Variants in MGAT5B observed in about 807,000 individuals in gnomAD.
MGAT5B encodes alpha-1,6-mannosylglycoprotein 6-beta-N-acetylglucosaminyltransferase B, also known as N-acetylglucosaminyl-transferase Vb.
Under a neutral mutation model 95.1 loss-of-function variants are expected in MGAT5B, and 54 were observed. That is an observed-to-expected ratio of 0.57 (90% CI 0.46 to 0.71). The LOEUF (loss-of-function observed/expected upper bound fraction) is 0.71, where lower values mean the gene tolerates loss of function less well. Ranked by LOEUF, MGAT5B falls within the 30% of genes least tolerant of loss-of-function variation. The pLI is 0.00. For missense variants in MGAT5B, 935 were observed against 1,088.6 expected, an observed-to-expected ratio of 0.86 and a Z score of 1.99; for synonymous variants, 464 against 451.0, an observed-to-expected ratio of 1.03 and a Z score of -0.36.
At chr17:76,904,466 T>C in intron 6 of MGAT5B, 44 bp downstream of exon 6, 7 of 1,531,498 alleles carry the variant, frequency 4.6e-6, no homozygotes, top group Non-Finnish European at 6.1e-6. Context: ...CTGGTGTGGC[T>C]GGACATTCTT....
intron 8 of MGAT5B, chr17:76,924,092 CA>C (rs1292922006): frequency 2.6e-5 from 4 of 152,288 alleles, no homozygotes; most frequent in African/African-American, 4.8e-5. Flanking sequence ...CGGATGCTGG[CA>C]GGGGGGGTTG....
Position 76,916,264 on chromosome 17 carries a change from C to T in MGAT5B, c.1026-8702C>T, listed in dbSNP as rs1051291810. ...GGGCCTCGCCTCCCCTCATGCTCCA[C>T]GCGCTGCGCTGGCGTCACAGGGAGT... On this transcript the variant is annotated intron_variant, in intron 8 of 17. Coordinates refer to ENST00000569840, the MANE Select transcript of MGAT5B (RefSeq NM_001199172.2). The surrounding 1 kb of genome is among the most constrained non-coding windows in gnomAD (Gnocchi z 5.3). Among the ~76,000 whole-genome samples, 9 of 152,364 alleles carry T rather than the reference C, an allele frequency of 5.9e-5. No homozygotes were observed. Among genetic ancestry groups the T allele is most frequent in the African/African-American group, 1.2e-4 (5 of 41,592 alleles).
chr17:76,942,606 C>T (rs1969896610), intron 15 of MGAT5B, among the ~76,000 whole-genome samples: 1 of 152,188 alleles, frequency 6.6e-6, no homozygotes, highest in African/African-American at 2.4e-5. Context: ...TGACTGGTAC[C>T]AGCTTATAGG....
Position 76,903,315 on chromosome 17 carries a change from G to A in MGAT5B, c.458G>A (p.Arg153Gln), listed in dbSNP as rs553177854. 10 of 1,610,878 alleles carry A rather than the reference G, an allele frequency of 6.2e-6. No individual in the cohort carries two copies. In the African/African-American group the frequency reaches 6.7e-5, roughly 11 times the overall value. ...CCTCTCCCTACAGTGTCAGAAGGCCGGCGGGACCAGTGTGAGGCACCCAGT... is the reference window on the plus strand; with the variant it reads ...CCTCTCCCTACAGTGTCAGAAGGCCAGCGGGACCAGTGTGAGGCACCCAGT... ...LLLHSKVSEG[R>Q]RDQCEAPSDP... is the part of the protein sequence containing the mutation. The change falls in exon 5 of 18, where the codon CGG becomes CAG. Residue 153 changes from arginine (R) to glutamine (Q), a missense_variant. Physicochemically the swap from Arg to Gln is conservative, Grantham distance 43. Transcript: ENST00000569840.
chr17:76,870,589 T>C lies in MGAT5B; in HGVS notation c.68+1492T>C, dbSNP rs1039141082. ...ACAGTGCTCGCGACCCAGGGCTGCTTCCCTGTCTGGTCCTGCCCTGGTTTT... is the reference window on the plus strand; with the variant it reads ...ACAGTGCTCGCGACCCAGGGCTGCTCCCCTGTCTGGTCCTGCCCTGGTTTT... On this transcript the variant is annotated intron_variant, in intron 1 of 17. Transcript: ENST00000569840. This position sits in a 1 kb window ranked among gnomAD's most constrained non-coding sequence, Gnocchi z 5.0. 1.3e-5 allele frequency among the ~76,000 whole-genome samples: 2 copies of C among 151,750 alleles called. No individual in the cohort carries two copies. The highest frequency in any genetic ancestry group is 2.9e-5 in the Non-Finnish European group (2 of 67,882).
intron 2 of MGAT5B, among the ~76,000 whole-genome samples, chr17:76,881,745 G>A (rs1461790234): frequency 6.6e-6 from 1 of 152,224 alleles, no homozygotes; most frequent in Non-Finnish European, 1.5e-5. Flanking sequence ...CTTACCGTTT[G>A]GGGGCTCTGG....
intron 3 of MGAT5B, among the ~76,000 whole-genome samples, chr17:76,885,192 C>T (rs950421614): frequency 1.3e-5 from 2 of 152,126 alleles, no homozygotes; most frequent in Non-Finnish European, 2.9e-5. Context: ...GGCATGAGGC[C>T]GTTTTCCTCT....
At chr17:76,886,779 C>T (rs559420281) in intron 3 of MGAT5B, among the ~76,000 whole-genome samples, 95 of 152,206 alleles carry the variant, frequency 6.2e-4, no homozygotes, top group African/African-American at 2.1e-3. Context: ...TGTGGTGGCT[C>T]ACAGCTGTAA....
Position 76,916,537 on chromosome 17 carries a change from C to T in MGAT5B, c.1026-8429C>T, listed in dbSNP as rs565132034. 3.9e-5 allele frequency among the ~76,000 whole-genome samples: 6 copies of T among 152,308 alleles called. No individual in the cohort carries two copies. The South Asian group carries it at 1.0e-3, about 26-fold the overall frequency. On this transcript the variant is annotated intron_variant, in intron 8 of 17. Coordinates refer to ENST00000569840, the MANE Select transcript of MGAT5B (RefSeq NM_001199172.2). The surrounding 1 kb of genome is among the most constrained non-coding windows in gnomAD (Gnocchi z 5.3). ...ACAGACCAGGCCCTCGGCTCATACC[C>T]GTAACCCCAGCACTTTGGGAGGCTG...
chr17:76,869,176 C>T lies in MGAT5B; in HGVS notation c.68+79C>T, dbSNP rs1429892186. 5 of 1,295,292 alleles carry T rather than the reference C, an allele frequency of 3.9e-6. No individual in the cohort carries two copies. The highest frequency in any genetic ancestry group is 1.5e-5 in the African/African-American group (1 of 68,390). The allele number at this position is 1,295,292 out of a possible 1,614,324, so 80.2% of individuals were successfully genotyped here. ...GGCGAGGTCGGTTCCTGCGAACGTT[C>T]AAGTCCTGGTGGCAGAGGGGGCGGT... On this transcript the variant is annotated intron_variant, in intron 1 of 17. Transcript: ENST00000569840. This position sits in a 1 kb window ranked among gnomAD's most constrained non-coding sequence, Gnocchi z 7.0.
intron 16 of MGAT5B, among the ~76,000 whole-genome samples, chr17:76,946,928 G>A (rs890943527): frequency 3.9e-5 from 6 of 152,242 alleles, no homozygotes; most frequent in South Asian, 2.1e-4. Context: ...CCGAGGGAGC[G>A]CCTGGGCAGG....
chr17:76,919,044 T>G (rs1969038575), intron 8 of MGAT5B, among the ~76,000 whole-genome samples: 1 of 152,188 alleles, frequency 6.6e-6, no homozygotes, highest in Non-Finnish European at 1.5e-5. Context: ...GTGTCCCACA[T>G]GTGGAGGCGG....
intron 11 of MGAT5B, among the ~76,000 whole-genome samples, chr17:76,932,991 G>A (rs571940099): frequency 3.3e-5 from 5 of 152,214 alleles, no homozygotes; most frequent in African/African-American, 4.8e-5. Flanking sequence ...CCGGACTCTC[G>A]TAATAAATGA....
chr17:76,943,477 C>T (rs1213159276), intron 15 of MGAT5B, among the ~76,000 whole-genome samples: 3 of 152,204 alleles, frequency 2.0e-5, no homozygotes, highest in Non-Finnish European at 2.9e-5. Context: ...ATCCTCGAGC[C>T]TATCCCGCAC....
In MGAT5B at chr17:76,869,434, G is replaced by A. The variant is rs1966912138; in HGVS notation, c.68+337G>A. On this transcript the variant is annotated intron_variant, in intron 1 of 17. Coordinates refer to ENST00000569840, the MANE Select transcript of MGAT5B (RefSeq NM_001199172.2). This position sits in a 1 kb window ranked among gnomAD's most constrained non-coding sequence, Gnocchi z 7.0. Reference sequence around the variant, plus strand: ...GCGCGCCCCTTCCCAGCCCCTCAGGGTCCTTCCTCACCCCGCGGACGGTCC... The same window carrying A: ...GCGCGCCCCTTCCCAGCCCCTCAGGATCCTTCCTCACCCCGCGGACGGTCC... Among the ~76,000 whole-genome samples the A allele has an allele frequency of 1.3e-5, 2 of 152,072 alleles. No homozygotes were observed. The highest frequency in any genetic ancestry group is 6.5e-5 in the Admixed American group (1 of 15,282).
chr17:76,908,292 T>C (rs1398799126), intron 8 of MGAT5B, among the ~76,000 whole-genome samples: 1 of 128,478 alleles, frequency 7.8e-6, no homozygotes, highest in Non-Finnish European at 1.6e-5. Context: ...TTTTTTTTTT[T>C]CAGATAGGGC....
At chr17:76,886,900 C>A (rs1346604056) in intron 3 of MGAT5B, among the ~76,000 whole-genome samples, 1 of 152,084 alleles carries the variant, frequency 6.6e-6, no homozygotes, top group Non-Finnish European at 1.5e-5. Context: ...AAAAATTAGC[C>A]AGGCGTGGTG....
intron 15 of MGAT5B, among the ~76,000 whole-genome samples, chr17:76,942,806 G>C (rs1041521004): frequency 5.9e-5 from 9 of 152,172 alleles, no homozygotes; most frequent in African/African-American, 2.2e-4. Context: ...TCACCCCACA[G>C]TCTCCTCCAG....
At position 76,903,044 on chromosome 17, in the gene MGAT5B, G is replaced by A. The variant is rs191485659; in HGVS notation, c.446-259G>A. Among the ~76,000 whole-genome samples, 209 of 152,286 alleles carry A rather than the reference G, an allele frequency of 1.4e-3. 1 individual carries two copies. Among genetic ancestry groups the A allele is most frequent in the African/African-American group, 4.6e-3 (190 of 41,556 alleles). ...CAGAAAACGCTGGGGATGCTTTCGG[G>A]TGGGTGCATGAGGTCTGCCCATCCA... On this transcript the variant is annotated intron_variant, in intron 4 of 17. Coordinates refer to ENST00000569840, the MANE Select transcript of MGAT5B (RefSeq NM_001199172.2).
Sources: allele counts gnomAD v4.1 joint callset (sites outside exome capture counted in the v4.1 genomes callset), GRCh38; gene constraint gnomAD v4.1.1; non-coding constraint Gnocchi (gnomAD v3.1); transcripts MANE v1.5; gene names NCBI Gene and HGNC (gene_info 2026-07-23, HGNC 2026-07-21).